TANGO6: variants seen among roughly 807,000 people sequenced by gnomAD.
TANGO6 encodes transport and golgi organization 6 homolog, also known as transport and Golgi organization protein 6 homolog.
Under a neutral mutation model 114.2 loss-of-function variants are expected in TANGO6, and 90 were observed. The ratio of observed to expected loss-of-function variants is 0.79; its 90% CI spans 0.66 to 0.94. The LOEUF is 0.94. TANGO6 is among the 40% of genes least tolerant of loss of function. The pLI is 0.00. For missense variants in TANGO6, 1,274 were observed against 1,315.3 expected, an observed-to-expected ratio of 0.97 and a Z score of 0.49; for synonymous variants, 477 against 509.8, an observed-to-expected ratio of 0.94 and a Z score of 0.87.
intron 15 of TANGO6, among the ~76,000 whole-genome samples, chr16:68,974,381 G>A (rs965032224): frequency 5.3e-5 from 8 of 152,096 alleles, no homozygotes; most frequent in Non-Finnish European, 8.8e-5. Flanking sequence ...TTAGTCTCTC[G>A]CCAGGTGCGG....
intron 16 of TANGO6, among the ~76,000 whole-genome samples, chr16:69,024,597 T>A (rs1959468503): frequency 6.6e-6 from 1 of 152,044 alleles, no homozygotes. Flanking sequence ...ACCTTTGCCT[T>A]GTATTTATGT....
chr16:68,998,785 T>A (rs942208234), intron 15 of TANGO6, among the ~76,000 whole-genome samples: 1 of 152,122 alleles, frequency 6.6e-6, no homozygotes, highest in African/African-American at 2.4e-5. Context: ...TTATTAAACT[T>A]GGCCTGATCA....
At chr16:69,053,893 T>C (rs1959992254) in intron 17 of TANGO6, among the ~76,000 whole-genome samples, 1 of 151,980 alleles carries the variant, frequency 6.6e-6, no homozygotes, top group African/African-American at 2.4e-5. Flanking sequence ...GCGAAACCCG[T>C]CTCTACTAAA....
intron 14 of TANGO6, among the ~76,000 whole-genome samples, chr16:68,967,149 C>A (rs772548728): frequency 3.9e-5 from 6 of 152,084 alleles, no homozygotes; most frequent in Non-Finnish European, 1.5e-5. Flanking sequence ...GAACAATGGC[C>A]CCCAACCTTT....
chr16:68,913,087 A>C (rs1013550701), intron 11 of TANGO6, among the ~76,000 whole-genome samples: 1 of 151,558 alleles, frequency 6.6e-6, no homozygotes, highest in African/African-American at 2.4e-5. Flanking sequence ...AAAAAAAAAA[A>C]AAAACAGGGT....
chr16:68,889,121 C>T (rs1962578355), intron 7 of TANGO6, among the ~76,000 whole-genome samples: 3 of 152,126 alleles, frequency 2.0e-5, no homozygotes, highest in Non-Finnish European at 4.4e-5. Context: ...ACCACGCCCA[C>T]CAATAGACTT....
At chr16:68,889,124 A>G (rs947410419) in intron 7 of TANGO6, among the ~76,000 whole-genome samples, 1 of 152,192 alleles carries the variant, frequency 6.6e-6, no homozygotes, top group Non-Finnish European at 1.5e-5. Flanking sequence ...ACGCCCACCA[A>G]TAGACTTTAT....
intron 15 of TANGO6, among the ~76,000 whole-genome samples, chr16:69,017,132 T>C (rs1466133841): frequency 6.6e-6 from 1 of 152,146 alleles, no homozygotes; most frequent in Non-Finnish European, 1.5e-5. Flanking sequence ...AAGATAATAC[T>C]GGAGCTGTTG....
chr16:69,018,139 C>CTTTTTTTTTTTTTTTTTTTTTT (rs34796579), intron 15 of TANGO6, among the ~76,000 whole-genome samples: 2 of 77,076 alleles, frequency 2.6e-5, no homozygotes, highest in African/African-American at 9.3e-5. Context: ...TTGGAAATCT[C>CTTTTTTTTTTTTTTTTTTTTTT]TTTTTTTTTT....
At chr16:68,966,664 G>A (rs1305166932) in intron 14 of TANGO6, among the ~76,000 whole-genome samples, 3 of 152,030 alleles carry the variant, frequency 2.0e-5, no homozygotes, top group Admixed American at 6.6e-5. Flanking sequence ...GAGTGTGGTG[G>A]TGTTGTGCTA....
At chr16:69,062,890 A>C (rs1267719977) in intron 17 of TANGO6, among the ~76,000 whole-genome samples, 1 of 150,984 alleles carries the variant, frequency 6.6e-6, no homozygotes, top group African/African-American at 2.4e-5. Context: ...GTCAGGAGTT[A>C]GAGACCAGCA....
In TANGO6 at chr16:68,900,421, T is replaced by C. The variant is rs1240508979; in HGVS notation, c.1378-13T>C. ...AGTCATGGGATTATTCTTCACCATT[T>C]CCTTTTTTCTAGGTGTACGTGGTTG... On this transcript the variant is annotated splice_polypyrimidine_tract_variant and intron_variant, in intron 7 of 17. Coordinates refer to ENST00000261778, the MANE Select transcript of TANGO6 (RefSeq NM_024562.2). 1 of 1,610,954 alleles carries C rather than the reference T, an allele frequency of 6.2e-7. No individual in the cohort carries two copies. Among genetic ancestry groups the C allele is most frequent in the Admixed American group, 1.7e-5 (1 of 59,916 alleles).
At position 68,897,061 on chromosome 16, in the gene TANGO6, G is replaced by A. The variant is rs1263863710; in HGVS notation, c.1378-3373G>A. 4.6e-5 allele frequency among the ~76,000 whole-genome samples: 7 copies of A among 151,834 alleles called. No individual in the cohort carries two copies. In the East Asian group the frequency reaches 9.7e-4, roughly 21 times the overall value. On this transcript the variant is annotated intron_variant, in intron 7 of 17. Transcript: ENST00000261778. ...CAGGATTACAGGTGCACACCACTAC[G>A]TCCAGCTAACTTTTGTATTTTTAGT...
At chr16:69,031,953 C>T (rs1259313068) in intron 16 of TANGO6, among the ~76,000 whole-genome samples, 4 of 151,532 alleles carry the variant, frequency 2.6e-5, no homozygotes, top group African/African-American at 9.7e-5. Context: ...ATGAGTCACT[C>T]CGCCCAGCTG....
chr16:69,044,745 T>C (rs1231062344), intron 17 of TANGO6, among the ~76,000 whole-genome samples: 2 of 152,144 alleles, frequency 1.3e-5, no homozygotes, highest in East Asian at 3.8e-4. Flanking sequence ...AAGCAGGGTG[T>C]GTTGGCACAT....
intron 4 of TANGO6, among the ~76,000 whole-genome samples, chr16:68,872,805 TCTTGCCTCAG>T (rs1962297079): frequency 3.3e-5 from 5 of 151,862 alleles, no homozygotes; most frequent in Admixed American, 2.0e-4. Flanking sequence ...CAAGAGATTC[TCTTGCCTCAG>T]CTTCCCGAGT....
chr16:68,974,654 C>T (rs1022863937), intron 15 of TANGO6, among the ~76,000 whole-genome samples: 1 of 151,986 alleles, frequency 6.6e-6, no homozygotes, highest in Non-Finnish European at 1.5e-5. Flanking sequence ...AAATGAGATT[C>T]CATCTCAAAA....
chr16:69,056,180 C>T (rs1960029656), intron 17 of TANGO6, among the ~76,000 whole-genome samples: 1 of 152,172 alleles, frequency 6.6e-6, no homozygotes, highest in South Asian at 2.1e-4. Context: ...ACATTTAAAA[C>T]TATTCCCTTT....
At chr16:68,925,902 A>G (rs1044728100) in intron 12 of TANGO6, among the ~76,000 whole-genome samples, 4 of 151,212 alleles carry the variant, frequency 2.6e-5, no homozygotes, top group South Asian at 2.1e-4. Flanking sequence ...ATTAAAAAAA[A>G]AAAAAAGAAA....
Sources: allele counts gnomAD v4.1 joint callset (sites outside exome capture counted in the v4.1 genomes callset), GRCh38; gene constraint gnomAD v4.1.1; transcripts MANE v1.5; gene names NCBI Gene and HGNC (gene_info 2026-07-23, HGNC 2026-07-21).